NRG1: variants seen among roughly 807,000 people sequenced by gnomAD.
NRG1 encodes the protein pro-neuregulin-1, membrane-bound isoform.
In NRG1, 18 loss-of-function variants were observed where a neutral mutation model predicts 63.8. That is an observed-to-expected ratio of 0.28 (90% CI 0.19 to 0.42). The LOEUF is 0.42. NRG1 is among the 10% of genes least tolerant of loss of function. NRG1 has a pLI of 1.00. For synonymous variants in NRG1, 302 were observed against 301.3 expected, an observed-to-expected ratio of 1.00 and a Z score of -0.02; for missense variants, 762 against 814.7, an observed-to-expected ratio of 0.94 and a Z score of 0.79.
At chr8:32,410,455 C>T (rs1814751763) in intron 1 of NRG1, among the ~76,000 whole-genome samples, 1 of 152,028 alleles carries the variant, frequency 6.6e-6, no homozygotes. Context: ...GTGTGAGTCA[C>T]CATGGCAGGC....
At chr8:31,681,968 G>A (rs184021666) in intron 1 of NRG1, among the ~76,000 whole-genome samples, 21 of 152,188 alleles carry the variant, frequency 1.4e-4, no homozygotes, top group Non-Finnish European at 1.9e-4. Flanking sequence ...ATTACCCAAA[G>A]TCCATAGTTT....
At chr8:32,252,701 A>C (rs112897446) in intron 1 of NRG1, among the ~76,000 whole-genome samples, 64,066 of 151,960 alleles carry the variant, frequency 0.42, 14,435 homozygotes, top group Non-Finnish European at 0.49. Flanking sequence ...TCCATATGAA[A>C]TTTAAAGTAG....
At chr8:31,912,570 T>C (rs75288879) in intron 1 of NRG1, among the ~76,000 whole-genome samples, 1,101 of 77,662 alleles carry the variant, frequency 0.014, 12 homozygotes, top group African/African-American at 0.033. Context: ...GAAATGCTTT[T>C]TTTTTTTTTT....
chr8:32,077,213 A>G (rs937513595), intron 1 of NRG1, among the ~76,000 whole-genome samples: 1 of 152,150 alleles, frequency 6.6e-6, no homozygotes, highest in Non-Finnish European at 1.5e-5. Flanking sequence ...CTAAAACTAC[A>G]AAAATTAGCT....
At chr8:32,014,841 A>G (rs1409259941) in intron 1 of NRG1, among the ~76,000 whole-genome samples, 1 of 152,056 alleles carries the variant, frequency 6.6e-6, no homozygotes, top group Non-Finnish European at 1.5e-5. Flanking sequence ...CTAATACCAC[A>G]TGAATGTATC....
intron 1 of NRG1, among the ~76,000 whole-genome samples, chr8:32,158,448 G>GATAGATAGATATATATATATATATAT (rs1491221971): frequency 3.2e-5 from 2 of 62,188 alleles, no homozygotes; most frequent in Non-Finnish European, 7.8e-5. Flanking sequence ...TGGTTTACAT[G>GATAGATAGATATATATATATATATAT]ATATATATAT....
At chr8:32,492,402 G>T (rs1826695833) in intron 1 of NRG1, among the ~76,000 whole-genome samples, 1 of 148,354 alleles carries the variant, frequency 6.7e-6, no homozygotes. Context: ...TTTTGCTTTT[G>T]CCTCTTTTCT....
At chr8:32,117,787 G>A (rs890932964) in intron 1 of NRG1, among the ~76,000 whole-genome samples, 6 of 151,966 alleles carry the variant, frequency 3.9e-5, no homozygotes, top group Non-Finnish European at 7.4e-5. Context: ...GACAATTTTT[G>A]TAATTCATTC....
chr8:31,838,717 G>A (rs889879899), intron 1 of NRG1, among the ~76,000 whole-genome samples: 18 of 151,986 alleles, frequency 1.2e-4, no homozygotes, highest in African/African-American at 4.3e-4. Context: ...TTGCATGTAT[G>A]CATCAAAGCT....
At chr8:31,820,869 A>T (rs1449290210) in intron 1 of NRG1, among the ~76,000 whole-genome samples, 4 of 152,168 alleles carry the variant, frequency 2.6e-5, no homozygotes, top group Non-Finnish European at 5.9e-5. Flanking sequence ...CCAAAGGCAA[A>T]ATCAGGCTAG....
At chr8:32,412,655 A>G (rs1400222056) in intron 1 of NRG1, among the ~76,000 whole-genome samples, 2 of 151,774 alleles carry the variant, frequency 1.3e-5, no homozygotes, top group Non-Finnish European at 2.9e-5. Context: ...AACCTGATGC[A>G]CACTGAGGCT....
intron 5 of NRG1, among the ~76,000 whole-genome samples, chr8:32,680,817 G>A (rs748503453): frequency 3.6e-4 from 54 of 151,950 alleles, no homozygotes; most frequent in Non-Finnish European, 1.5e-4. Context: ...GAGGCATTAT[G>A]TTATTTATCT....
intron 6 of NRG1, among the ~76,000 whole-genome samples, chr8:32,730,712 T>C (rs1823427960): frequency 6.6e-6 from 1 of 152,196 alleles, no homozygotes; most frequent in Admixed American, 6.5e-5. Context: ...CAAATTGGGA[T>C]GAACCAGGTT....
downstream of NRG1, among the ~76,000 whole-genome samples, chr8:32,770,295 G>A (rs1831696442): frequency 6.6e-6 from 1 of 152,050 alleles, no homozygotes; most frequent in African/African-American, 2.4e-5. Flanking sequence ...CTCTCTACAT[G>A]ATATGGTAAG....
intron 1 of NRG1, among the ~76,000 whole-genome samples, chr8:31,846,153 T>G (rs34905748): frequency 6.6e-6 from 1 of 152,202 alleles, no homozygotes; most frequent in African/African-American, 2.4e-5. Flanking sequence ...TTCATTCATT[T>G]CTTCCTAGTT....
At chr8:32,261,116 G>C (rs191146298) in intron 1 of NRG1, among the ~76,000 whole-genome samples, 1 of 152,170 alleles carries the variant, frequency 6.6e-6, no homozygotes, top group Non-Finnish European at 1.5e-5. Context: ...GAGAGTTCCT[G>C]TATACCTGTC....
chr8:32,331,289 A>G (rs1371872657), intron 1 of NRG1, among the ~76,000 whole-genome samples: 1 of 150,480 alleles, frequency 6.6e-6, no homozygotes, highest in East Asian at 2.0e-4. Context: ...AGCACTTTGG[A>G]AGGCTGAACT....
intron 1 of NRG1, among the ~76,000 whole-genome samples, chr8:32,214,858 A>C (rs1362799612): frequency 6.6e-6 from 1 of 152,242 alleles, no homozygotes; most frequent in Non-Finnish European, 1.5e-5. Context: ...GAAGTAGCTA[A>C]AATGTTACAC....
At chr8:31,986,077 T>C (rs1159530721) in intron 1 of NRG1, among the ~76,000 whole-genome samples, 2 of 152,156 alleles carry the variant, frequency 1.3e-5, no homozygotes, top group East Asian at 3.9e-4. Flanking sequence ...TATGAAATAT[T>C]CTAGAGCAAA....
Sources: gnomAD v4.1 joint callset for allele counts (sites outside exome capture counted in the v4.1 genomes callset) on GRCh38, gnomAD v4.1.1 for gene constraint, MANE v1.5 for transcripts, NCBI Gene and HGNC (gene_info 2026-07-23, HGNC 2026-07-21) for gene names.